Variants in BAZ1A observed in about 807,000 individuals in gnomAD.
BAZ1A encodes bromodomain adjacent to zinc finger domain protein 1A.
BAZ1A carries 50 observed loss-of-function variants against 185.2 expected under a neutral mutation model. That is an observed-to-expected ratio of 0.27 (90% CI 0.22 to 0.34). The LOEUF is 0.34. Among genes scored for constraint, BAZ1A ranks in the 10% least tolerant of loss-of-function variants. The pLI, the probability that BAZ1A is intolerant of heterozygous loss-of-function variation, is 1.00. For missense variants in BAZ1A, 1,356 were observed against 1,839.9 expected (o/e 0.74, Z 4.81); for synonymous variants, 571 against 615.6 (o/e 0.93, Z 1.07).
chr14:34,807,913 G>A (rs1280699284), intron 5 of BAZ1A, among the ~76,000 whole-genome samples: 1 of 151,682 alleles, frequency 6.6e-6, no homozygotes, highest in Admixed American at 6.6e-5. Context: ...AGACAATCCT[G>A]GCTAACACGG....
At chr14:34,759,171 GTTTTTTTT>G (rs780287749) in intron 24 of BAZ1A, among the ~76,000 whole-genome samples, 61 of 66,476 alleles carry the variant, frequency 9.2e-4, no homozygotes, top group African/African-American at 3.1e-3. Flanking sequence ...TACAGCTACA[GTTTTTTTT>G]TTTTTTTTTT....
chr14:34,815,475 C>T (rs1442093697), intron 4 of BAZ1A, among the ~76,000 whole-genome samples: 2 of 152,170 alleles, frequency 1.3e-5, no homozygotes, highest in Admixed American at 6.5e-5. Flanking sequence ...ATGATGGTGA[C>T]CCACCATTTT....
chr14:34,870,888 T>C (rs1594922402), intron 2 of BAZ1A, among the ~76,000 whole-genome samples: 1 of 152,314 alleles, frequency 6.6e-6, no homozygotes, highest in Non-Finnish European at 1.5e-5. Flanking sequence ...GGAGAGCAGA[T>C]GAACAATGAA....
intron 21 of BAZ1A, among the ~76,000 whole-genome samples, chr14:34,767,036 G>C (rs1878893554): frequency 6.6e-6 from 1 of 152,176 alleles, no homozygotes; most frequent in South Asian, 2.1e-4. Context: ...CAGTGGATGG[G>C]TCAAATGGCT....
At chr14:34,871,762 A>C (rs1446646628) in intron 2 of BAZ1A, among the ~76,000 whole-genome samples, 2 of 152,264 alleles carry the variant, frequency 1.3e-5, no homozygotes, top group Non-Finnish European at 2.9e-5. Flanking sequence ...AATTCCAGCT[A>C]CTCGGGAGGC....
At chr14:34,834,298 G>A (rs190196715) in intron 3 of BAZ1A, among the ~76,000 whole-genome samples, 168 of 152,282 alleles carry the variant, frequency 1.1e-3, no homozygotes, top group African/African-American at 3.9e-3. Context: ...GCAGAGCCCA[G>A]GTGAATGCCC....
rs2043022791 is a variant in BAZ1A at position 34,874,978 on chromosome 14, C to T, written c.-59+160G>A. The T allele has an allele frequency of 1.3e-5, 2 of 150,500 alleles. No individual in the cohort carries two copies. Among genetic ancestry groups the T allele is most frequent in the African/African-American group, 4.9e-5 (2 of 41,058 alleles). The allele number at this position is 150,500 out of a possible 1,614,324, so 9.3% of individuals were successfully genotyped here. On this transcript the variant is annotated intron_variant, in intron 1 of 26. Transcript: ENST00000360310. The surrounding 1 kb of genome is among the most constrained non-coding windows in gnomAD (Gnocchi z 4.7). ...CCAGCGCCGGCTCCTCGCCCGCCGC[C>T]GCCGCCAGGCTCACAACGTGCTCGG...
intron 7 of BAZ1A, 75 bp downstream of exon 7, chr14:34,802,779 G>T: frequency 6.8e-7 from 1 of 1,467,566 alleles, no homozygotes; most frequent in South Asian, 1.3e-5. Context: ...TGTGAGGGGA[G>T]ACAAACATAC....
intron 6 of BAZ1A, among the ~76,000 whole-genome samples, chr14:34,805,750 G>A (rs745743423): frequency 1.1e-4 from 17 of 151,978 alleles, no homozygotes; most frequent in African/African-American, 2.4e-4. Flanking sequence ...TTTCATCCAC[G>A]GTGAATTTTA....
chr14:34,846,897 A>T (rs2042521389), intron 3 of BAZ1A, among the ~76,000 whole-genome samples: 1 of 152,230 alleles, frequency 6.6e-6, no homozygotes, highest in Non-Finnish European at 1.5e-5. Flanking sequence ...CTTAAAAAAA[A>T]ATTAAAAATA....
chr14:34,767,406 C>T (rs1033875566), intron 21 of BAZ1A, among the ~76,000 whole-genome samples: 23 of 152,050 alleles, frequency 1.5e-4, no homozygotes, highest in African/African-American at 5.6e-4. Flanking sequence ...AAAAACTAGC[C>T]AGCCGTGGTT....
At chr14:34,794,691 T>C (rs1881083999) in intron 11 of BAZ1A, 58 bp downstream of exon 11, 4 of 1,548,340 alleles carry the variant, frequency 2.6e-6, no homozygotes, top group Non-Finnish European at 3.5e-6. Context: ...CTTGTTTTTT[T>C]AAAGCCACTA....
intron 12 of BAZ1A, 87 bp downstream of exon 12, chr14:34,792,688 A>G: frequency 7.0e-7 from 1 of 1,433,360 alleles, no homozygotes; most frequent in Non-Finnish European, 9.6e-7. Context: ...TAAGCATAAA[A>G]GCCAATTTAA....
chr14:34,830,735 C>T (rs1435495918), intron 3 of BAZ1A, among the ~76,000 whole-genome samples: 1 of 148,978 alleles, frequency 6.7e-6, no homozygotes, highest in Non-Finnish European at 1.5e-5. Context: ...GAGAGCATTG[C>T]TGGAATTATA....
At chr14:34,829,521 C>T (rs2042210877) in intron 3 of BAZ1A, among the ~76,000 whole-genome samples, 1 of 152,032 alleles carries the variant, frequency 6.6e-6, no homozygotes, top group Non-Finnish European at 1.5e-5. Flanking sequence ...CTTATTCATC[C>T]ATCAGTGAAG....
In BAZ1A at chr14:34,796,800, A is replaced by G. The variant is rs182582025; in HGVS notation, c.1129-1035T>C. Among the ~76,000 whole-genome samples, 11 of 152,322 alleles carry G rather than the reference A, an allele frequency of 7.2e-5. No homozygotes were observed. In the East Asian group the frequency reaches 2.1e-3, roughly 29 times the overall value. ...AATTTTCAACATAAAACGCCTAGAT[A>G]GTTACGGAACTTGCTGTAACTTGAA... On this transcript the variant is annotated intron_variant, in intron 9 of 26. Coordinates refer to ENST00000360310, the MANE Select transcript of BAZ1A (RefSeq NM_013448.3).
intron 9 of BAZ1A, among the ~76,000 whole-genome samples, chr14:34,797,795 T>C (rs573530831): frequency 3.3e-5 from 5 of 152,188 alleles, no homozygotes; most frequent in African/African-American, 9.7e-5. Flanking sequence ...GTTCATCTCA[T>C]TGGGACTGGT....
At chr14:34,873,709 C>T (rs2042990202) in intron 2 of BAZ1A, among the ~76,000 whole-genome samples, 1 of 152,248 alleles carries the variant, frequency 6.6e-6, no homozygotes, top group Non-Finnish European at 1.5e-5. Context: ...CCTTCCTCTT[C>T]CCCTTGCCCA....
chr14:34,829,169 G>A (rs2042203555), intron 3 of BAZ1A, among the ~76,000 whole-genome samples: 1 of 151,662 alleles, frequency 6.6e-6, no homozygotes, highest in African/African-American at 2.4e-5. Flanking sequence ...GGGAGGCTGA[G>A]GCACAAGAAT....
Sources: allele counts gnomAD v4.1 joint callset (sites outside exome capture counted in the v4.1 genomes callset), GRCh38; gene constraint gnomAD v4.1.1; non-coding constraint Gnocchi (gnomAD v3.1); transcripts MANE v1.5; gene names NCBI Gene and HGNC (gene_info 2026-07-23, HGNC 2026-07-21).